The following NCKAP5 variants were observed in gnomAD, a reference collection of about 807,000 sequenced individuals.
NCKAP5 encodes NCK associated protein 5.
A neutral mutation model predicts 167.0 loss-of-function variants in NCKAP5; 92 were observed. That is an observed-to-expected ratio of 0.55 (90% CI 0.47 to 0.66). The LOEUF (loss-of-function observed/expected upper bound fraction) is 0.66. Among genes scored for constraint, NCKAP5 ranks in the 30% least tolerant of loss-of-function variants. The probability of loss-of-function intolerance (pLI) is 0.00; values close to 1 mark genes in which losing one functional copy is unlikely to be tolerated. For synonymous variants in NCKAP5, 891 were observed against 877.4 expected, an observed-to-expected ratio of 1.02 and a Z score of -0.27; for missense variants, 2,378 against 2,315.0, an observed-to-expected ratio of 1.03 and a Z score of -0.56.
chr2:133,660,008 G>A, the NCKAP5 span, among the ~76,000 whole-genome samples: 2 of 152,062 alleles, frequency 1.3e-5, no homozygotes, highest in African/African-American at 2.4e-5. Flanking sequence ...GAGATAGCAC[G>A]ACCAATGGAA....
intron 6 of NCKAP5, among the ~76,000 whole-genome samples, chr2:133,003,973 A>G (rs879850693): frequency 4.6e-5 from 7 of 152,204 alleles, no homozygotes; most frequent in Non-Finnish European, 8.8e-5. Context: ...AGAGATGGGC[A>G]CTCAGAGAAG....
chr2:132,988,657 C>G (rs2077366173), intron 7 of NCKAP5, among the ~76,000 whole-genome samples: 2 of 152,158 alleles, frequency 1.3e-5, no homozygotes, highest in Admixed American at 1.3e-4. Context: ...ATAGGCCCCA[C>G]CAGTCCCTCC....
At chr2:132,841,701 T>C (rs1363045105) in intron 11 of NCKAP5, among the ~76,000 whole-genome samples, 1 of 152,116 alleles carries the variant, frequency 6.6e-6, no homozygotes, top group Non-Finnish European at 1.5e-5. Flanking sequence ...CTGTTGTACA[T>C]AGAGTTTTTA....
At chr2:133,600,092 G>T in the NCKAP5 span, among the ~76,000 whole-genome samples, 4 of 152,148 alleles carry the variant, frequency 2.6e-5, no homozygotes, top group Admixed American at 6.5e-5. Context: ...TCTGTGTCGC[G>T]GAATTTCTTC....
In NCKAP5 at chr2:132,672,448, G is replaced by A. The variant is rs1257348042; in HGVS notation, c.*841C>T. The stretch of plus-strand genomic sequence containing the variant: ...ACTTATTACTATCACCTGAATCTCT[G>A]GCAACGAATCTGAAATTACACTAAA... On this transcript the variant is annotated 3_prime_UTR_variant, in exon 20 of 20. Coordinates refer to ENST00000409261, the MANE Select transcript of NCKAP5 (RefSeq NM_207363.3). 1 of 152,118 alleles carries A rather than the reference G, an allele frequency of 6.6e-6. No homozygotes were observed. Among genetic ancestry groups the A allele is most frequent in the Non-Finnish European group, 1.5e-5 (1 of 68,030 alleles). The allele number at this position is 152,118 out of a possible 1,614,324, so 9.4% of individuals were successfully genotyped here. A position where few individuals can be genotyped will look rare whatever the true frequency, so the allele number is the denominator to read the frequency against.
intron 3 of NCKAP5, among the ~76,000 whole-genome samples, chr2:133,461,582 C>A (rs1692201129): frequency 6.6e-6 from 1 of 152,162 alleles, no homozygotes; most frequent in South Asian, 2.1e-4. Context: ...CTCCACCATC[C>A]CCTAGGACAT....
At chr2:133,194,591 T>G (rs913532379) in intron 5 of NCKAP5, among the ~76,000 whole-genome samples, 2 of 152,104 alleles carry the variant, frequency 1.3e-5, no homozygotes, top group Non-Finnish European at 2.9e-5. Context: ...TGAATTTCCA[T>G]GTTCCTACTA....
chr2:133,064,473 G>A (rs1232546242), intron 6 of NCKAP5, among the ~76,000 whole-genome samples: 1 of 151,318 alleles, frequency 6.6e-6, no homozygotes, highest in Non-Finnish European at 1.5e-5. Context: ...ATAATGCCAT[G>A]TTCACATGAT....
At chr2:133,215,683 G>A (rs1016558298) in intron 4 of NCKAP5, among the ~76,000 whole-genome samples, 2 of 152,136 alleles carry the variant, frequency 1.3e-5, no homozygotes, top group African/African-American at 4.8e-5. Flanking sequence ...ATGGAATACT[G>A]CAAATATGCT....
At chr2:133,405,924 C>T (rs1340663469) in intron 3 of NCKAP5, among the ~76,000 whole-genome samples, 1 of 152,214 alleles carries the variant, frequency 6.6e-6, no homozygotes, top group African/African-American at 2.4e-5. Flanking sequence ...CTTAAGATGT[C>T]ATTTCTTGAC....
intron 2 of NCKAP5, among the ~76,000 whole-genome samples, chr2:133,547,134 T>C (rs1027484374): frequency 1.3e-5 from 2 of 152,022 alleles, no homozygotes; most frequent in Non-Finnish European, 2.9e-5. Context: ...CCTGGAAAAT[T>C]GGGTCACTCC....
At chr2:132,712,862 A>G (rs1194522177) in intron 19 of NCKAP5, among the ~76,000 whole-genome samples, 1 of 152,162 alleles carries the variant, frequency 6.6e-6, no homozygotes, top group Non-Finnish European at 1.5e-5. Context: ...GTGTTATGGG[A>G]TCACAGAGGA....
the NCKAP5 span, among the ~76,000 whole-genome samples, chr2:133,670,284 C>T: frequency 6.6e-6 from 1 of 152,180 alleles, no homozygotes; most frequent in African/African-American, 2.4e-5. Context: ...CTCAGTAAAT[C>T]ATAGTGTTAG....
At chr2:133,138,436 A>T (rs1159198512) in intron 5 of NCKAP5, among the ~76,000 whole-genome samples, 1 of 152,208 alleles carries the variant, frequency 6.6e-6, no homozygotes, top group Non-Finnish European at 1.5e-5. Flanking sequence ...AAAGTAATAC[A>T]GTTTTGCTTT....
intron 4 of NCKAP5, among the ~76,000 whole-genome samples, chr2:133,277,092 G>A (rs2089760244): frequency 6.6e-6 from 1 of 152,046 alleles, no homozygotes; most frequent in East Asian, 1.9e-4. Context: ...CTCACTTAAG[G>A]GGGAACTACT....
At chr2:132,745,703 A>C (rs1679581500) in intron 16 of NCKAP5, among the ~76,000 whole-genome samples, 1 of 152,016 alleles carries the variant, frequency 6.6e-6, no homozygotes, top group Non-Finnish European at 1.5e-5. Context: ...AGAATACTCT[A>C]AGGGATCTCC....
chr2:133,525,481 A>T (rs552686103), intron 2 of NCKAP5, among the ~76,000 whole-genome samples: 1 of 152,262 alleles, frequency 6.6e-6, no homozygotes, highest in African/African-American at 2.4e-5. Context: ...AATCTTGTCT[A>T]TTTTTCAACA....
chr2:133,308,830 C>T (rs1053752920), intron 3 of NCKAP5, among the ~76,000 whole-genome samples: 1 of 148,726 alleles, frequency 6.7e-6, no homozygotes, highest in Non-Finnish European at 1.5e-5. Context: ...CCTGCCTCAG[C>T]CTCCCGAGTA....
chr2:132,943,964 G>A (rs1465967868), intron 8 of NCKAP5, among the ~76,000 whole-genome samples: 1 of 152,198 alleles, frequency 6.6e-6, no homozygotes, highest in Non-Finnish European at 1.5e-5. Context: ...ATGTGTAGAG[G>A]GGACAGAGGA....
Sources: allele counts gnomAD v4.1 joint callset (sites outside exome capture counted in the v4.1 genomes callset), GRCh38; gene constraint gnomAD v4.1.1; transcripts MANE v1.5; gene names NCBI Gene and HGNC (gene_info 2026-07-23, HGNC 2026-07-21).